Variants in DCC observed in about 807,000 individuals in gnomAD.
DCC encodes netrin receptor DCC.
A neutral mutation model predicts 172.5 loss-of-function variants in DCC; 58 were observed. The ratio of observed to expected loss-of-function variants is 0.34; its 90% CI spans 0.27 to 0.42. The LOEUF (loss-of-function observed/expected upper bound fraction) is 0.42, where lower values mean the gene tolerates loss of function less well. DCC is among the 10% of genes least tolerant of loss of function. The pLI is 1.00. For synonymous variants in DCC, 709 were observed against 644.5 expected, an observed-to-expected ratio of 1.10 and a Z score of -1.52; for missense variants, 1,740 against 1,791.0, an observed-to-expected ratio of 0.97 and a Z score of 0.51.
chr18:53,480,339 C>T (rs989351200), intron 25 of DCC, among the ~76,000 whole-genome samples: 1 of 152,128 alleles, frequency 6.6e-6, no homozygotes, highest in Admixed American at 6.6e-5. Flanking sequence ...GTGTATAAAC[C>T]ACATTAAAAT....
rs2046524908 is a variant in DCC at position 53,531,473 on chromosome 18, T to C, written c.*820T>C. On this transcript the variant is annotated 3_prime_UTR_variant, in exon 29 of 29. Coordinates refer to ENST00000442544, the MANE Select transcript of DCC (RefSeq NM_005215.4). The stretch of plus-strand genomic sequence containing the variant: ...AGGACAGTTTTCAATTTGGGTGGCT[T>C]TTGTGCCATACCACACTGTGATACA... 6.5e-6 allele frequency: 1 copy of C among 153,014 alleles called. No individual in the cohort carries two copies. The highest frequency in any genetic ancestry group is 6.5e-5 in the Admixed American group (1 of 15,332). 9.5% of individuals were successfully genotyped at this position (153,014 alleles called of 1,614,324 possible). A position where few individuals can be genotyped will look rare whatever the true frequency, so the allele number is the denominator to read the frequency against.
chr18:52,950,390 A>G (rs1041412040), intron 5 of DCC, among the ~76,000 whole-genome samples: 1 of 152,210 alleles, frequency 6.6e-6, no homozygotes, highest in African/African-American at 2.4e-5. Context: ...AACTCTTTAA[A>G]AACCATCACC....
chr18:53,041,505 T>C (rs1181808435), intron 5 of DCC, among the ~76,000 whole-genome samples: 1 of 152,126 alleles, frequency 6.6e-6, no homozygotes, highest in African/African-American at 2.4e-5. Context: ...CAGGTTTTTT[T>C]TGGTTCCATA....
intron 16 of DCC, among the ~76,000 whole-genome samples, chr18:53,389,655 C>G (rs1002355864): frequency 2.6e-5 from 4 of 152,130 alleles, no homozygotes; most frequent in Admixed American, 2.6e-4. Context: ...AAAGAAAAAA[C>G]TTGGCCAAGG....
intron 1 of DCC, among the ~76,000 whole-genome samples, chr18:52,700,039 CTGTTTATGCA>C (rs1239202171): frequency 2.3e-5 from 3 of 129,236 alleles, no homozygotes; most frequent in African/African-American, 8.5e-5. Context: ...TTTCAGTGAT[CTGTTTATGCA>C]AAAAAAAAAA....
At chr18:52,872,846 T>A (rs569177199) in intron 2 of DCC, among the ~76,000 whole-genome samples, 1 of 152,194 alleles carries the variant, frequency 6.6e-6, no homozygotes, top group Non-Finnish European at 1.5e-5. Context: ...AGTGATGATA[T>A]AACACTTGAA....
At chr18:53,241,654 C>T (rs2056296732) in intron 12 of DCC, among the ~76,000 whole-genome samples, 1 of 152,250 alleles carries the variant, frequency 6.6e-6, no homozygotes, top group South Asian at 2.1e-4. Context: ...GACAAAGAAC[C>T]TCTGAATGAT....
At chr18:53,111,959 A>G (rs549098103) in intron 7 of DCC, among the ~76,000 whole-genome samples, 18 of 151,708 alleles carry the variant, frequency 1.2e-4, no homozygotes, top group Non-Finnish European at 2.2e-4. Flanking sequence ...AGAGGGAAAA[A>G]AAGAGAAGAA....
chr18:53,460,529 G>C (rs1373937258), intron 24 of DCC, among the ~76,000 whole-genome samples: 1 of 148,594 alleles, frequency 6.7e-6, no homozygotes, highest in Non-Finnish European at 1.5e-5. Context: ...AGAATATGTG[G>C]TGTTTGGTTT....
chr18:52,652,225 T>C (rs1439459149), intron 1 of DCC, among the ~76,000 whole-genome samples: 1 of 152,126 alleles, frequency 6.6e-6, no homozygotes, highest in Non-Finnish European at 1.5e-5. Context: ...AGGAGGGAGC[T>C]GACAGCATCC....
At chr18:52,872,913 A>C (rs1167007078) in intron 2 of DCC, among the ~76,000 whole-genome samples, 3 of 152,214 alleles carry the variant, frequency 2.0e-5, no homozygotes, top group South Asian at 4.1e-4. Context: ...TTCAAGTTAG[A>C]AATACAAATT....
At chr18:52,446,950 G>A (rs992180449) in intron 1 of DCC, among the ~76,000 whole-genome samples, 5 of 152,164 alleles carry the variant, frequency 3.3e-5, no homozygotes, top group Non-Finnish European at 5.9e-5. Context: ...ACATTCTCAG[G>A]AGTACTGTTT....
chr18:52,500,197 A>T (rs75956999), intron 1 of DCC, among the ~76,000 whole-genome samples: 2,402 of 152,150 alleles, frequency 0.016, 48 homozygotes, highest in East Asian at 0.039. Flanking sequence ...TTTGCCACAA[A>T]CTGGTTGCAC....
At chr18:53,175,191 C>A (rs1185019673) in intron 8 of DCC, among the ~76,000 whole-genome samples, 1 of 152,062 alleles carries the variant, frequency 6.6e-6, no homozygotes, top group African/African-American at 2.4e-5. Context: ...ATAATAAGAG[C>A]TATCTATGAC....
At chr18:53,473,506 T>A (rs1263939209) in intron 25 of DCC, among the ~76,000 whole-genome samples, 1 of 152,190 alleles carries the variant, frequency 6.6e-6, no homozygotes, top group Non-Finnish European at 1.5e-5. Flanking sequence ...TAAACTTGTT[T>A]TCATTAAACA....
intron 1 of DCC, among the ~76,000 whole-genome samples, chr18:52,393,290 G>A (rs1231696150): frequency 6.6e-6 from 1 of 152,066 alleles, no homozygotes; most frequent in Non-Finnish European, 1.5e-5. Flanking sequence ...GGAATGTAGA[G>A]GGGACGATGC....
At chr18:53,016,866 G>A (rs2041814124) in intron 5 of DCC, among the ~76,000 whole-genome samples, 1 of 152,050 alleles carries the variant, frequency 6.6e-6, no homozygotes, top group Admixed American at 6.6e-5. Flanking sequence ...AGCATTTATG[G>A]TAAGCTGTTT....
At chr18:53,388,381 G>A (rs1014557548) in intron 16 of DCC, among the ~76,000 whole-genome samples, 2 of 152,222 alleles carry the variant, frequency 1.3e-5, no homozygotes, top group African/African-American at 4.8e-5. Flanking sequence ...CTAAGCTTCT[G>A]CAAAGGCATA....
At chr18:52,842,299 TG>T (rs1322689140) in intron 2 of DCC, among the ~76,000 whole-genome samples, 1 of 152,152 alleles carries the variant, frequency 6.6e-6, no homozygotes, top group African/African-American at 2.4e-5. Flanking sequence ...ATTGTTCACT[TG>T]ATTATGGAGG....
Sources: allele counts gnomAD v4.1 joint callset (sites outside exome capture counted in the v4.1 genomes callset), GRCh38; gene constraint gnomAD v4.1.1; transcripts MANE v1.5; gene names NCBI Gene and HGNC (gene_info 2026-07-23, HGNC 2026-07-21).